The following TEK variants were observed in gnomAD, a reference collection of about 807,000 sequenced individuals.
The protein encoded by TEK is TEK receptor tyrosine kinase, also known as angiopoietin-1 receptor.
Under a neutral mutation model 131.8 loss-of-function variants are expected in TEK, and 43 were observed. The ratio of observed to expected loss-of-function variants is 0.33; its 90% CI spans 0.26 to 0.42. The LOEUF is 0.42. Ranked by LOEUF, TEK falls within the 10% of genes least tolerant of loss-of-function variation. The probability of loss-of-function intolerance (pLI) is 1.00; values close to 1 mark genes in which losing one functional copy is unlikely to be tolerated. For synonymous variants in TEK, 580 were observed against 491.6 expected, an observed-to-expected ratio of 1.18 and a Z score of -2.38; for missense variants, 1,162 against 1,384.4, an observed-to-expected ratio of 0.84 and a Z score of 2.55.
intron 15 of TEK, among the ~76,000 whole-genome samples, chr9:27,208,008 A>G (rs1056981604): frequency 2.6e-5 from 4 of 152,006 alleles, no homozygotes; most frequent in Non-Finnish European, 5.9e-5. Context: ...AATCTTATGA[A>G]GGCAGTTTTT....
chr9:27,218,968 C>T (rs537601996), intron 20 of TEK, 151 bp downstream of exon 20: 7 of 813,838 alleles, frequency 8.6e-6, no homozygotes, highest in Non-Finnish European at 1.2e-5. Flanking sequence ...TATTAATTCC[C>T]ATATTTTTCT....
intron 1 of TEK, 83 bp downstream of exon 1, chr9:27,109,725 C>T (rs765635523): frequency 4.9e-5 from 69 of 1,396,884 alleles, no homozygotes; most frequent in Non-Finnish European, 6.9e-5. Context: ...CAAATCTCAT[C>T]AGTGCTGATG....
At chr9:27,187,314 T>C (rs910510193) in intron 9 of TEK, among the ~76,000 whole-genome samples, 2 of 152,220 alleles carry the variant, frequency 1.3e-5, no homozygotes, top group African/African-American at 2.4e-5. Flanking sequence ...GCATCTTTTA[T>C]TATAGTATTT....
intron 4 of TEK, 44 bp downstream of exon 4, chr9:27,169,673 G>C (rs981208899): frequency 1.7e-5 from 27 of 1,612,636 alleles, no homozygotes; most frequent in African/African-American, 2.7e-5. Flanking sequence ...GTAGTTGTTA[G>C]GTTGTTAGGA....
At chr9:27,208,349 T>TG (rs1825477004) in intron 15 of TEK, among the ~76,000 whole-genome samples, 1 of 148,570 alleles carries the variant, frequency 6.7e-6, no homozygotes, top group East Asian at 2.6e-4. Context: ...CAATGTGTGT[T>TG]TTTTTTTTTA....
intron 1 of TEK, among the ~76,000 whole-genome samples, chr9:27,134,309 C>T (rs1201441626): frequency 2.6e-5 from 4 of 152,108 alleles, no homozygotes; most frequent in Admixed American, 2.0e-4. Context: ...AGATATACTG[C>T]CCACAAACTC....
intron 2 of TEK, among the ~76,000 whole-genome samples, chr9:27,160,010 GTTTTTTTTTTTTTTTTTTT>G (rs563961610): frequency 1.2e-5 from 1 of 84,322 alleles, no homozygotes; most frequent in Non-Finnish European, 2.1e-5. Flanking sequence ...GCTGTTTAGG[GTTTTTTTTTTTTTTTTTTT>G]TTTTTTTTTT....
chr9:27,133,487 A>C (rs1034397643), intron 1 of TEK, among the ~76,000 whole-genome samples: 8 of 152,198 alleles, frequency 5.3e-5, no homozygotes, highest in African/African-American at 1.9e-4. Flanking sequence ...ACAATCTTCC[A>C]ACATAGCCTC....
intron 18 of TEK, among the ~76,000 whole-genome samples, chr9:27,217,163 C>T (rs1825846747): frequency 6.6e-6 from 1 of 152,200 alleles, no homozygotes; most frequent in Non-Finnish European, 1.5e-5. Context: ...TACACATGCA[C>T]ACTGTTCCCC....
At chr9:27,184,183 C>T (rs1160317003) in intron 8 of TEK, among the ~76,000 whole-genome samples, 1 of 152,130 alleles carries the variant, frequency 6.6e-6, no homozygotes, top group Non-Finnish European at 1.5e-5. Flanking sequence ...TTTCTACCCA[C>T]CTCTTCCCTT....
intron 1 of TEK, among the ~76,000 whole-genome samples, chr9:27,149,198 C>T (rs978613297): frequency 5.3e-5 from 8 of 152,064 alleles, no homozygotes; most frequent in Non-Finnish European, 7.4e-5. Context: ...AGAGATACAG[C>T]GATGGGCAAA....
At chr9:27,139,991 A>G (rs1822662971) in intron 1 of TEK, among the ~76,000 whole-genome samples, 1 of 152,100 alleles carries the variant, frequency 6.6e-6, no homozygotes, top group Admixed American at 6.5e-5. Context: ...GACTCTCTAG[A>G]CTTCCCAGTA....
chr9:27,173,270 G>C lies in TEK; in HGVS notation c.809G>C (p.Gly270Ala). The C allele has an allele frequency of 6.2e-7, 1 of 1,614,070 alleles. No homozygotes were observed. The highest frequency in any genetic ancestry group is 8.5e-7 in the Non-Finnish European group (1 of 1,179,964). The change falls in exon 6 of 23, where the codon GGA becomes GCA. Residue 270 changes from glycine to alanine, a missense_variant. Coordinates refer to ENST00000380036, the MANE Select transcript of TEK (RefSeq NM_000459.5). ...FGRTCKERCSGQEGCKSYVFC... is the reference protein window; with the variant it reads ...FGRTCKERCSAQEGCKSYVFC... ...AGAACTTGTAAAGAAAGGTGCAGTGGACAAGAGGGATGCAAGTCTTATGTG... is the reference window on the plus strand; with the variant it reads ...AGAACTTGTAAAGAAAGGTGCAGTGCACAAGAGGGATGCAAGTCTTATGTG...
chr9:27,182,391 A>G (rs1332149879), intron 7 of TEK, among the ~76,000 whole-genome samples: 4 of 152,322 alleles, frequency 2.6e-5, no homozygotes, highest in East Asian at 3.9e-4. Flanking sequence ...TCAAATAGCT[A>G]CTTAGGCTGA....
chr9:27,202,681 A>G (rs2131206837), intron 12 of TEK, 139 bp from the exon 13 acceptor site: 8 of 840,580 alleles, frequency 9.5e-6, no homozygotes, highest in Non-Finnish European at 1.5e-5. Context: ...TCCAGTAGCC[A>G]CTACCAATTG....
chr9:27,122,675 G>A (rs1387069203), intron 1 of TEK, among the ~76,000 whole-genome samples: 1 of 152,060 alleles, frequency 6.6e-6, no homozygotes, highest in Non-Finnish European at 1.5e-5. Flanking sequence ...AACCTACATC[G>A]AGAGGTAATA....
Position 27,228,505 on chromosome 9 carries a change from C to T in TEK, c.3300+200C>T, listed in dbSNP as rs1014049. Among the ~76,000 whole-genome samples, 70,006 of 151,934 alleles carry T rather than the reference C, an allele frequency of 0.46. 16,609 individuals are homozygous for T. The highest frequency in any genetic ancestry group is 0.56 in the African/African-American group (23,306 of 41,396). On this transcript the variant is annotated intron_variant, in intron 22 of 22. Coordinates refer to ENST00000380036, the MANE Select transcript of TEK (RefSeq NM_000459.5). Reference sequence around the variant, plus strand: ...GGAAATAAGATTTCTATACAAGATACAGTCACGTACACACTAGAATAACAT... The same window carrying T: ...GGAAATAAGATTTCTATACAAGATATAGTCACGTACACACTAGAATAACAT...
chr9:27,173,292 T>TCCAA lies in TEK; in HGVS notation c.831_832insCCAA (p.Val278ProfsTer7). On this transcript the variant is annotated frameshift_variant, in exon 6 of 23. Coordinates refer to ENST00000380036, the MANE Select transcript of TEK (RefSeq NM_000459.5). LOFTEE classifies it high-confidence loss of function. ...GTGGACAAGAGGGATGCAAGTCTTA[T>TCCAA]GTGTTCTGTCTCCCTGACCCCTATG... The TCCAA allele has an allele frequency of 1.2e-6, 2 of 1,614,128 alleles. No homozygotes were observed. The highest frequency in any genetic ancestry group is 1.7e-6 in the Non-Finnish European group (2 of 1,179,968).
At chr9:27,140,183 T>C (rs1822670189) in intron 1 of TEK, among the ~76,000 whole-genome samples, 1 of 152,020 alleles carries the variant, frequency 6.6e-6, no homozygotes, top group East Asian at 1.9e-4. Flanking sequence ...ATGTAGAAAA[T>C]AAGTATAATA....
Sources: gnomAD v4.1 joint callset for allele counts (sites outside exome capture counted in the v4.1 genomes callset) on GRCh38, gnomAD v4.1.1 for gene constraint, MANE v1.5 for transcripts, NCBI Gene and HGNC (gene_info 2026-07-23, HGNC 2026-07-21) for gene names.